Variants in ITGBL1 observed in about 807,000 individuals in gnomAD.
The protein encoded by ITGBL1 is integrin beta-like protein 1.
In ITGBL1, 51 loss-of-function variants were observed where a neutral mutation model predicts 68.5. That is an observed-to-expected ratio of 0.74 (90% CI 0.59 to 0.94). The LOEUF (loss-of-function observed/expected upper bound fraction) is 0.94, where lower values mean the gene tolerates loss of function less well. Ranked by LOEUF, ITGBL1 falls within the 40% of genes least tolerant of loss-of-function variation. ITGBL1 has a pLI of 0.00. For missense variants in ITGBL1, 649 were observed against 647.4 expected, an observed-to-expected ratio of 1.00 and a Z score of -0.03; for synonymous variants, 209 against 227.3, an observed-to-expected ratio of 0.92 and a Z score of 0.72.
intron 2 of ITGBL1, among the ~76,000 whole-genome samples, chr13:101,518,087 G>A (rs1265732645): frequency 6.6e-6 from 1 of 152,160 alleles, no homozygotes; most frequent in Non-Finnish European, 1.5e-5. Flanking sequence ...CATGTTTGTT[G>A]TTTCTCAGAG....
At chr13:101,593,274 G>A (rs2050687973) in intron 6 of ITGBL1, among the ~76,000 whole-genome samples, 1 of 151,994 alleles carries the variant, frequency 6.6e-6, no homozygotes, top group Non-Finnish European at 1.5e-5. Flanking sequence ...GAAAACAAAT[G>A]TTGGCAAGGG....
chr13:101,671,412 A>C (rs975108596), intron 7 of ITGBL1, among the ~76,000 whole-genome samples: 1 of 149,954 alleles, frequency 6.7e-6, no homozygotes, highest in Non-Finnish European at 1.5e-5. Flanking sequence ...GCTATTTGAC[A>C]AAAGTATACC....
chr13:101,536,799 G>A (rs1360931757), intron 2 of ITGBL1, among the ~76,000 whole-genome samples: 8 of 151,776 alleles, frequency 5.3e-5, no homozygotes, highest in Non-Finnish European at 1.0e-4. Flanking sequence ...GATGATTTCT[G>A]GTCAAATTAA....
In ITGBL1 at chr13:101,567,821, C is replaced by T; in HGVS notation, c.439C>T (p.Gln147Ter). 1.9e-6 allele frequency: 3 copies of T among 1,613,088 alleles called. No individual in the cohort carries two copies. The highest frequency in any genetic ancestry group is 2.2e-5 in the East Asian group (1 of 44,828). ...AAGTAACCAAATGTGCAAGAATTCA[C>T]AAGACATCATCTGCTCTAATGCAGG... is the stretch of plus-strand genomic sequence containing the variant. Reference protein sequence around the residue: ...KKSNQMCKNSQDIICSNAGTC... With the variant: ...KKSNQMCKNS Residue 147 changes from glutamine (Q) to a stop codon, truncating the protein, a stop_gained, in exon 3 of 11, where the codon CAA becomes TAA. Coordinates refer to ENST00000376180, the MANE Select transcript of ITGBL1 (RefSeq NM_004791.3). LOFTEE classifies it high-confidence loss of function.
intron 2 of ITGBL1, among the ~76,000 whole-genome samples, chr13:101,454,640 G>A (rs1316295371): frequency 6.6e-6 from 1 of 151,980 alleles, no homozygotes; most frequent in Admixed American, 6.6e-5. Flanking sequence ...TAGATCTTAG[G>A]CCTGTATTTT....
Position 101,615,623 on chromosome 13 carries a change from G to C in ITGBL1, c.1015+17324G>C, listed in dbSNP as rs1357155435. Among the ~76,000 whole-genome samples the C allele has an allele frequency of 2.6e-5, 4 of 151,998 alleles. No individual in the cohort carries two copies. The East Asian group carries it at 7.8e-4, about 30-fold the overall frequency. On this transcript the variant is annotated intron_variant, in intron 7 of 10. Coordinates refer to ENST00000376180, the MANE Select transcript of ITGBL1 (RefSeq NM_004791.3). The stretch of plus-strand genomic sequence containing the variant: ...GGTGGAGTCCTCATGAAAGGGAATG[G>C]TGCTCTTACAAAAGAGACCCCAGAG...
chr13:101,672,743 C>A (rs914181470), intron 7 of ITGBL1, among the ~76,000 whole-genome samples: 1 of 152,136 alleles, frequency 6.6e-6, no homozygotes, highest in Non-Finnish European at 1.5e-5. Flanking sequence ...CAGACAGAGA[C>A]GGCTGCTCTC....
At chr13:101,604,887 T>TATATACACATACATACACACAC in intron 7 of ITGBL1, among the ~76,000 whole-genome samples, 1 of 22,166 alleles carries the variant, frequency 4.5e-5, no homozygotes, top group African/African-American at 1.5e-4. Flanking sequence ...TATATATATA[T>TATATACACATACATACACACAC]ACACACACAC....
intron 7 of ITGBL1, among the ~76,000 whole-genome samples, chr13:101,609,159 C>T (rs1471323629): frequency 6.6e-6 from 1 of 152,004 alleles, no homozygotes; most frequent in African/African-American, 2.4e-5. Context: ...TCTTTATACT[C>T]ATTATGATAT....
At chr13:101,524,935 C>T (rs1455427423) in intron 2 of ITGBL1, among the ~76,000 whole-genome samples, 1 of 152,140 alleles carries the variant, frequency 6.6e-6, no homozygotes, top group Non-Finnish European at 1.5e-5. Flanking sequence ...GGGCTGCACA[C>T]AACCTTGGCA....
intron 7 of ITGBL1, among the ~76,000 whole-genome samples, chr13:101,601,864 T>C (rs2030404281): frequency 6.6e-6 from 1 of 152,120 alleles, no homozygotes; most frequent in Non-Finnish European, 1.5e-5. Context: ...AAGTATGTGG[T>C]CAATTTTGGA....
intron 3 of ITGBL1, 142 bp downstream of exon 3, chr13:101,567,987 T>C: frequency 2.9e-6 from 2 of 678,950 alleles, no homozygotes; most frequent in South Asian, 4.2e-5. Flanking sequence ...TTCAGATAAA[T>C]CAATAGAAAA....
At chr13:101,650,983 T>C (rs1566775631) in intron 7 of ITGBL1, among the ~76,000 whole-genome samples, 1 of 152,202 alleles carries the variant, frequency 6.6e-6, no homozygotes, top group East Asian at 1.9e-4. Context: ...ACATGATCTT[T>C]TTCCTTTTTA....
At chr13:101,652,261 C>T (rs1040973685) in intron 7 of ITGBL1, among the ~76,000 whole-genome samples, 20 of 152,076 alleles carry the variant, frequency 1.3e-4, no homozygotes, top group Admixed American at 6.6e-4. Context: ...CCTGCCTCAG[C>T]CTCCAGAGGA....
chr13:101,573,535 G>A (rs1051344760), intron 3 of ITGBL1, among the ~76,000 whole-genome samples: 1 of 152,078 alleles, frequency 6.6e-6, no homozygotes, highest in Non-Finnish European at 1.5e-5. Flanking sequence ...ATCTTAATGG[G>A]AGAAGAGGAA....
intron 1 of ITGBL1, 150 bp from the exon 2 acceptor site, chr13:101,453,733 T>G (rs2048195595): frequency 2.5e-6 from 1 of 407,804 alleles, no homozygotes; most frequent in Admixed American, 4.7e-5. Context: ...AGGCAGCGCT[T>G]GGACCCCAGA....
intron 2 of ITGBL1, among the ~76,000 whole-genome samples, chr13:101,467,457 C>A (rs2048397718): frequency 1.3e-5 from 2 of 152,156 alleles, no homozygotes; most frequent in Admixed American, 1.3e-4. Context: ...TTTCTAATAA[C>A]TTCTAAATTG....
chr13:101,602,909 T>C (rs2030478268), intron 7 of ITGBL1, among the ~76,000 whole-genome samples: 1 of 152,184 alleles, frequency 6.6e-6, no homozygotes, highest in African/African-American at 2.4e-5. Context: ...CAGTCCTTCA[T>C]TGCTTTTTAT....
At chr13:101,527,909 G>A (rs2049407127) in intron 2 of ITGBL1, among the ~76,000 whole-genome samples, 1 of 151,888 alleles carries the variant, frequency 6.6e-6, no homozygotes, top group South Asian at 2.1e-4. Context: ...ATATATTCTT[G>A]ATAGGAATCC....
Sources: allele counts gnomAD v4.1 joint callset (sites outside exome capture counted in the v4.1 genomes callset), GRCh38; gene constraint gnomAD v4.1.1; transcripts MANE v1.5; gene names NCBI Gene and HGNC (gene_info 2026-07-23, HGNC 2026-07-21).